The following AKT3 variants were observed in gnomAD, a reference collection of about 807,000 sequenced individuals.
The protein encoded by AKT3 is RAC-gamma serine/threonine-protein kinase.
AKT3 carries 15 observed loss-of-function variants against 65.3 expected under a neutral mutation model. That is an observed-to-expected ratio of 0.23 (90% CI 0.15 to 0.35). AKT3 has a LOEUF of 0.35. AKT3 is among the 10% of genes least tolerant of loss of function. The pLI, the probability that AKT3 is intolerant of heterozygous loss-of-function variation, is 1.00. For missense variants in AKT3, 243 were observed against 576.5 expected, an observed-to-expected ratio of 0.42 and a Z score of 5.92; for synonymous variants, 206 against 183.8, an observed-to-expected ratio of 1.12 and a Z score of -0.98.
At chr1:243,718,590 A>T (rs1171586611) in intron 2 of AKT3, among the ~76,000 whole-genome samples, 1 of 151,020 alleles carries the variant, frequency 6.6e-6, no homozygotes, top group Non-Finnish European at 1.5e-5. Flanking sequence ...TGCTACCCTT[A>T]CAGCTGGGAT....
At chr1:243,670,046 C>T (rs1052834697) in intron 3 of AKT3, among the ~76,000 whole-genome samples, 3 of 152,200 alleles carry the variant, frequency 2.0e-5, no homozygotes, top group African/African-American at 7.2e-5. Flanking sequence ...CACCATACTA[C>T]TGATCATTCT....
intron 8 of AKT3, among the ~76,000 whole-genome samples, chr1:243,594,387 A>G (rs1571997684): frequency 6.6e-6 from 1 of 152,358 alleles, no homozygotes; most frequent in East Asian, 1.9e-4. Context: ...ACATGATAAT[A>G]AATTTATATG....
downstream of AKT3, among the ~76,000 whole-genome samples, chr1:243,496,085 C>T (rs531559134): frequency 6.6e-6 from 1 of 152,332 alleles, no homozygotes; most frequent in South Asian, 2.1e-4. Flanking sequence ...ATGAAACCAA[C>T]AGGATTAGTG....
intron 2 of AKT3, among the ~76,000 whole-genome samples, chr1:243,787,433 T>G (rs1336772949): frequency 6.6e-6 from 1 of 152,156 alleles, no homozygotes; most frequent in Non-Finnish European, 1.5e-5. Context: ...TGAGGAAATT[T>G]GAGATATAGC....
intron 2 of AKT3, among the ~76,000 whole-genome samples, chr1:243,752,245 A>C (rs1008384710): frequency 6.6e-6 from 1 of 152,250 alleles, no homozygotes; most frequent in Admixed American, 6.5e-5. Context: ...ATGCATCTGA[A>C]AGGTATATCT....
intron 4 of AKT3, among the ~76,000 whole-genome samples, chr1:243,653,221 T>G (rs1422669999): frequency 1.3e-5 from 2 of 152,180 alleles, no homozygotes; most frequent in Non-Finnish European, 2.9e-5. Context: ...TAAACATCTC[T>G]ATGCAAATAA....
chr1:243,524,768 G>A (rs947754932), intron 12 of AKT3, among the ~76,000 whole-genome samples: 21 of 152,130 alleles, frequency 1.4e-4, no homozygotes, highest in Non-Finnish European at 1.9e-4. Context: ...AAGCAGCTCC[G>A]ATTGGATTAA....
chr1:243,629,126 G>A (rs1679402524), intron 6 of AKT3, among the ~76,000 whole-genome samples: 1 of 151,962 alleles, frequency 6.6e-6, no homozygotes, highest in Admixed American at 6.5e-5. Context: ...AATACAAAAA[G>A]TTAGCCAGGT....
At chr1:243,711,646 A>G (rs901861514) in intron 2 of AKT3, among the ~76,000 whole-genome samples, 3 of 152,224 alleles carry the variant, frequency 2.0e-5, no homozygotes, top group Non-Finnish European at 4.4e-5. Flanking sequence ...TAATAAAAAT[A>G]CTAACAGCTA....
rs950864974 is a variant in AKT3, at chr1:243,752,185, T to A, written c.47-56469A>T. ...AGAACATTTTTAACTAAGAAAAAAATTTTTAAACTGAAAAGTACAAAAAAT... is the reference window on the plus strand; with the variant it reads ...AGAACATTTTTAACTAAGAAAAAAAATTTTAAACTGAAAAGTACAAAAAAT... On this transcript the variant is annotated intron_variant, in intron 2 of 13. Transcript: ENST00000673466. Among the ~76,000 whole-genome samples, 9 of 152,072 alleles carry A rather than the reference T, an allele frequency of 5.9e-5. No homozygotes were observed. In the East Asian group the frequency reaches 9.6e-4, roughly 16 times the overall value.
In AKT3 at chr1:243,790,813, C is replaced by T. The variant is rs149242679; in HGVS notation, c.46+52312G>A. ...TGGACTAATTTCAATATTGTTGTGT[C>T]TCAGGAGTGAGAGAGACAGGGGTAC... is the stretch of plus-strand genomic sequence containing the variant. On this transcript the variant is annotated intron_variant, in intron 2 of 13. Transcript: ENST00000673466. 1.5e-3 allele frequency among the ~76,000 whole-genome samples: 228 copies of T among 152,190 alleles called. 1 individual carries two copies. Among genetic ancestry groups the T allele is most frequent in the Non-Finnish European group, 2.3e-3 (159 of 68,022 alleles).
At chr1:243,542,942 C>T (rs1672418153) in intron 12 of AKT3, among the ~76,000 whole-genome samples, 2 of 152,240 alleles carry the variant, frequency 1.3e-5, no homozygotes, top group South Asian at 4.1e-4. Flanking sequence ...CTGTAGATGG[C>T]ACCAATCCAC....
chr1:243,537,504 T>C (rs568581412), intron 12 of AKT3, among the ~76,000 whole-genome samples: 10 of 152,324 alleles, frequency 6.6e-5, no homozygotes, highest in African/African-American at 2.4e-4. Flanking sequence ...ATAATTTCTA[T>C]GGAATTCACA....
At position 243,500,246 on chromosome 1, in the gene AKT3, CT is replaced by C; in HGVS notation, c.*5002del. 4.2e-6 allele frequency: 1 copy of C among 238,234 alleles called. No individual in the cohort carries two copies. Among genetic ancestry groups the C allele is most frequent in the Non-Finnish European group, 8.3e-6 (1 of 120,548 alleles). The allele number at this position is 238,234 out of a possible 1,614,324, so 14.8% of individuals were successfully genotyped here. Reference sequence around the variant, plus strand: ...GATCTATATATCAATCATCCTTCACCTTTAATCAATGTCCCATCAGACTCCA... The same window carrying C: ...GATCTATATATCAATCATCCTTCACCTTAATCAATGTCCCATCAGACTCCA... On this transcript the variant is annotated 3_prime_UTR_variant, in exon 14 of 14. Coordinates refer to ENST00000673466, the MANE Select transcript of AKT3 (RefSeq NM_005465.7).
intron 2 of AKT3, among the ~76,000 whole-genome samples, chr1:243,729,906 C>T (rs1170316184): frequency 1.3e-5 from 2 of 152,152 alleles, no homozygotes; most frequent in Non-Finnish European, 2.9e-5. Flanking sequence ...TTTTCCAAGT[C>T]TCTCTACTGA....
intron 2 of AKT3, among the ~76,000 whole-genome samples, chr1:243,750,837 C>T (rs1454300748): frequency 6.6e-6 from 1 of 152,040 alleles, no homozygotes; most frequent in African/African-American, 2.4e-5. Flanking sequence ...CCGCCTCGGC[C>T]TCCCAAAGTG....
chr1:243,628,381 C>A (rs771804440), intron 6 of AKT3, among the ~76,000 whole-genome samples: 2 of 152,030 alleles, frequency 1.3e-5, no homozygotes, highest in Non-Finnish European at 2.9e-5. Context: ...CTCACTGCAG[C>A]CTTGACCTCC....
At chr1:243,712,221 A>C (rs1686206747) in intron 2 of AKT3, among the ~76,000 whole-genome samples, 1 of 152,206 alleles carries the variant, frequency 6.6e-6, no homozygotes, top group Admixed American at 6.5e-5. Context: ...CATGAGACAA[A>C]GGAAAAGTCA....
At chr1:243,532,058 T>C (rs1671571055) in intron 12 of AKT3, among the ~76,000 whole-genome samples, 2 of 152,192 alleles carry the variant, frequency 1.3e-5, no homozygotes, top group South Asian at 4.1e-4. Flanking sequence ...TGTCACCTAT[T>C]AGTAGGGGTA....
Sources: allele counts gnomAD v4.1 joint callset (sites outside exome capture counted in the v4.1 genomes callset), GRCh38; gene constraint gnomAD v4.1.1; transcripts MANE v1.5; gene names NCBI Gene and HGNC (gene_info 2026-07-23, HGNC 2026-07-21).